PDE1C: variants seen among roughly 807,000 people sequenced by gnomAD.
The protein encoded by PDE1C is phosphodiesterase 1C, also known as dual specificity calcium/calmodulin-dependent 3',5'-cyclic nucleotide phosphodiesterase 1C.
A neutral mutation model predicts 93.1 loss-of-function variants in PDE1C; 62 were observed. The observed-to-expected ratio is 0.67, with a 90% confidence interval of 0.54 to 0.82. The LOEUF is 0.82. PDE1C is among the 40% of genes least tolerant of loss of function. The pLI is 0.00. For synonymous variants in PDE1C, 325 were observed against 310.1 expected, an observed-to-expected ratio of 1.05 and a Z score of -0.50; for missense variants, 742 against 884.6, an observed-to-expected ratio of 0.84 and a Z score of 2.04.
chr7:32,225,406 T>G (rs1807189114), intron 1 of PDE1C, among the ~76,000 whole-genome samples: 1 of 152,070 alleles, frequency 6.6e-6, no homozygotes, highest in African/African-American at 2.4e-5. Flanking sequence ...AGCCCCTAAC[T>G]GCCTGGAGAA....
the PDE1C span, among the ~76,000 whole-genome samples, chr7:31,704,206 G>T: frequency 6.6e-6 from 1 of 152,208 alleles, no homozygotes; most frequent in South Asian, 2.1e-4. Context: ...GATGTCCATT[G>T]AAAGTGACAC....
chr7:31,995,796 A>G (rs1784644486), intron 2 of PDE1C, among the ~76,000 whole-genome samples: 1 of 152,160 alleles, frequency 6.6e-6, no homozygotes, highest in African/African-American at 2.4e-5. Context: ...CAAAACAAAC[A>G]AAAAGCATCA....
intron 2 of PDE1C, among the ~76,000 whole-genome samples, chr7:32,030,445 G>A (rs969530964): frequency 6.6e-6 from 1 of 152,048 alleles, no homozygotes; most frequent in African/African-American, 2.4e-5. Context: ...TACAGAGAAA[G>A]TGTTTTCTTG....
chr7:31,698,802 G>A, the PDE1C span, among the ~76,000 whole-genome samples: 2 of 152,288 alleles, frequency 1.3e-5, no homozygotes, highest in South Asian at 2.1e-4. Flanking sequence ...GATTTCCAAG[G>A]TGCACAGGAA....
chr7:31,637,942 G>A, the PDE1C span, among the ~76,000 whole-genome samples: 1 of 152,250 alleles, frequency 6.6e-6, no homozygotes, highest in African/African-American at 2.4e-5. Context: ...TCCAGTTTCA[G>A]CTTTCTACAG....
At chr7:31,838,972 AT>A (rs1478101154) in intron 9 of PDE1C, among the ~76,000 whole-genome samples, 1 of 149,144 alleles carries the variant, frequency 6.7e-6, no homozygotes, top group Non-Finnish European at 1.5e-5. Context: ...ATACACATAT[AT>A]ATTTAGTATA....
intron 16 of PDE1C, among the ~76,000 whole-genome samples, chr7:31,780,722 C>T (rs1783340677): frequency 2.0e-5 from 3 of 152,026 alleles, no homozygotes; most frequent in African/African-American, 4.8e-5. Flanking sequence ...CAAACTGTGT[C>T]ATACAACACA....
At chr7:32,269,471 T>TTTTGC in intron 1 of PDE1C, among the ~76,000 whole-genome samples, 1 of 151,786 alleles carries the variant, frequency 6.6e-6, no homozygotes, top group Admixed American at 6.6e-5. Flanking sequence ...TTTTGTTTCG[T>TTTTGC]TTTTCGGTTT....
intron 1 of PDE1C, among the ~76,000 whole-genome samples, chr7:32,225,459 C>T (rs1447512632): frequency 6.6e-6 from 1 of 152,154 alleles, no homozygotes; most frequent in Non-Finnish European, 1.5e-5. Flanking sequence ...CTTTCTGCTG[C>T]TGAGCTTAGA....
intron 2 of PDE1C, among the ~76,000 whole-genome samples, chr7:31,988,697 T>C (rs999294258): frequency 6.6e-6 from 1 of 151,982 alleles, no homozygotes; most frequent in Non-Finnish European, 1.5e-5. Context: ...CTGTCTCTTA[T>C]AAAAACAAAT....
chr7:32,254,589 A>T (rs1809646307), intron 1 of PDE1C, among the ~76,000 whole-genome samples: 1 of 152,200 alleles, frequency 6.6e-6, no homozygotes, highest in African/African-American at 2.4e-5. Context: ...AGAGCAAGAG[A>T]TTATAACATT....
At chr7:32,181,943 T>C (rs1273153353) in intron 2 of PDE1C, among the ~76,000 whole-genome samples, 1 of 151,778 alleles carries the variant, frequency 6.6e-6, no homozygotes, top group South Asian at 2.1e-4. Context: ...ATCAAATAGA[T>C]GCAATAAAAA....
chr7:32,001,767 G>A (rs2128559954), intron 2 of PDE1C, among the ~76,000 whole-genome samples: 1 of 152,262 alleles, frequency 6.6e-6, no homozygotes, highest in South Asian at 2.1e-4. Context: ...CCATCAGCAA[G>A]CATTAAAACA....
the PDE1C span, among the ~76,000 whole-genome samples, chr7:31,726,424 T>C: frequency 1.3e-5 from 2 of 152,128 alleles, no homozygotes; most frequent in African/African-American, 2.4e-5. Flanking sequence ...AAATTAACAA[T>C]TGAGAAAGAA....
intron 2 of PDE1C, among the ~76,000 whole-genome samples, chr7:32,179,513 C>T (rs139929143): frequency 6.6e-6 from 1 of 152,238 alleles, no homozygotes; most frequent in East Asian, 1.9e-4. Flanking sequence ...CCTGCCTCGG[C>T]CTACCAAAGT....
At chr7:32,188,353 C>T (rs1407491444) in intron 2 of PDE1C, among the ~76,000 whole-genome samples, 1 of 152,072 alleles carries the variant, frequency 6.6e-6, no homozygotes, top group African/African-American at 2.4e-5. Context: ...CAACTTTTCT[C>T]TCAGCATACA....
the PDE1C span, among the ~76,000 whole-genome samples, chr7:31,647,654 A>G: frequency 6.9e-6 from 1 of 143,940 alleles, no homozygotes; most frequent in East Asian, 2.1e-4. Context: ...AGCCTGAGCA[A>G]CAGAGAGAGT....
rs11313586 is a variant in PDE1C at position 32,105,701 on chromosome 7, C to CTT, written c.308+64082_308+64083dup. On this transcript the variant is annotated intron_variant, in intron 3 of 18. Transcript: ENST00000396193. ...TACAGGGATGTACCACCACATCTGACTTTTTTTTTTTTTTTTGTATTTGCG... is the reference window on the plus strand; with the variant it reads ...TACAGGGATGTACCACCACATCTGACTTTTTTTTTTTTTTTTTTGTATTTGCG... 5.1e-4 allele frequency among the ~76,000 whole-genome samples: 69 copies of CTT among 134,026 alleles called. 1 individual carries two copies. The highest frequency in any genetic ancestry group is 1.3e-3 in the African/African-American group (47 of 36,936). The allele number at this position is 134,026 out of a possible 152,430, so 87.9% of individuals were successfully genotyped here. A position where few individuals can be genotyped will look rare whatever the true frequency, so the allele number is the denominator to read the frequency against.
chr7:31,699,726 A>G, the PDE1C span, among the ~76,000 whole-genome samples: 4 of 151,662 alleles, frequency 2.6e-5, no homozygotes, highest in Admixed American at 6.6e-5. Context: ...TTTCAATAGC[A>G]TGTGTTAACT....
Sources: allele counts gnomAD v4.1 joint callset (sites outside exome capture counted in the v4.1 genomes callset), GRCh38; gene constraint gnomAD v4.1.1; transcripts MANE v1.5; gene names NCBI Gene and HGNC (gene_info 2026-07-23, HGNC 2026-07-21).